Variants in GPR158 observed in about 807,000 individuals in gnomAD.
GPR158 encodes G protein-coupled receptor 158, also known as metabotropic glycine receptor.
A neutral mutation model predicts 78.2 loss-of-function variants in GPR158; 30 were observed. The ratio of observed to expected loss-of-function variants is 0.38; its 90% CI spans 0.29 to 0.52. GPR158 has a LOEUF of 0.52. Among genes scored for constraint, GPR158 ranks in the 20% least tolerant of loss-of-function variants. The probability of loss-of-function intolerance (pLI) is 0.83; values close to 1 mark genes in which losing one functional copy is unlikely to be tolerated. For synonymous variants in GPR158, 581 were observed against 591.1 expected (o/e 0.98, Z 0.25); for missense variants, 1,463 against 1,523.5 (o/e 0.96, Z 0.66).
chr10:25,424,646 T>C (rs1164977691), intron 4 of GPR158, among the ~76,000 whole-genome samples: 2 of 151,918 alleles, frequency 1.3e-5, no homozygotes, highest in Admixed American at 1.3e-4. Context: ...AGGGAATCCT[T>C]TCCCCATTTC....
intron 5 of GPR158, among the ~76,000 whole-genome samples, chr10:25,532,167 G>A (rs1836432192): frequency 6.6e-6 from 1 of 152,166 alleles, no homozygotes; most frequent in Non-Finnish European, 1.5e-5. Context: ...AGTTGAGAAG[G>A]AGGACTACTG....
chr10:25,525,771 A>G (rs1836338483), intron 5 of GPR158, among the ~76,000 whole-genome samples: 2 of 152,164 alleles, frequency 1.3e-5, no homozygotes, highest in African/African-American at 4.8e-5. Context: ...CTTCAAATGA[A>G]TGAATGATAT....
chr10:25,458,956 T>A (rs925566114), intron 4 of GPR158, among the ~76,000 whole-genome samples: 6 of 152,238 alleles, frequency 3.9e-5, no homozygotes, highest in African/African-American at 1.4e-4. Flanking sequence ...CAAATTTTAC[T>A]AAATTTGATT....
At chr10:25,300,010 G>A (rs559804985) in intron 2 of GPR158, among the ~76,000 whole-genome samples, 26 of 152,044 alleles carry the variant, frequency 1.7e-4, no homozygotes, top group African/African-American at 4.3e-4. Context: ...CACCCACCTC[G>A]GTCTACCAAA....
chr10:25,513,096 A>C (rs1836106295), intron 5 of GPR158, among the ~76,000 whole-genome samples: 1 of 151,920 alleles, frequency 6.6e-6, no homozygotes, highest in Admixed American at 6.6e-5. Flanking sequence ...GGATAGTGTC[A>C]ATAGGATCAA....
intron 2 of GPR158, among the ~76,000 whole-genome samples, chr10:25,291,286 C>G (rs1348197190): frequency 6.6e-6 from 1 of 151,826 alleles, no homozygotes; most frequent in Non-Finnish European, 1.5e-5. Context: ...ATGTCATTAG[C>G]TATTAGACAC....
intron 1 of GPR158, among the ~76,000 whole-genome samples, chr10:25,209,342 C>T (rs755866537): frequency 6.6e-6 from 1 of 152,208 alleles, no homozygotes; most frequent in African/African-American, 2.4e-5. Flanking sequence ...CTTGAATACC[C>T]TCATCATGGC....
chr10:25,331,105 A>G (rs1401674401), intron 2 of GPR158, among the ~76,000 whole-genome samples: 1 of 151,586 alleles, frequency 6.6e-6, no homozygotes, highest in Non-Finnish European at 1.5e-5. Context: ...CCTAGCTTTT[A>G]TATATATATA....
At chr10:25,596,503 CTATCT>C (rs1238659372) in intron 9 of GPR158, 135 bp from the exon 10 acceptor site, 5 of 585,758 alleles carry the variant, frequency 8.5e-6, no homozygotes, top group Non-Finnish European at 1.5e-5. Context: ...CTCTATCTAT[CTATCT>C]ATATATATAG....
At chr10:25,415,941 T>C (rs764376121) in intron 4 of GPR158, among the ~76,000 whole-genome samples, 1 of 152,152 alleles carries the variant, frequency 6.6e-6, no homozygotes, top group Non-Finnish European at 1.5e-5. Context: ...GTTGCACTAC[T>C]CTGACAATAT....
chr10:25,570,191 C>G lies in GPR158; in HGVS notation c.1515-2458C>G, dbSNP rs991976588. Among the ~76,000 whole-genome samples, 5 of 152,110 alleles carry G rather than the reference C, an allele frequency of 3.3e-5. No homozygotes were observed. The East Asian group carries it at 7.7e-4, about 23-fold the overall frequency. On this transcript the variant is annotated intron_variant, in intron 6 of 10. Coordinates refer to ENST00000376351, the MANE Select transcript of GPR158 (RefSeq NM_020752.3). The stretch of plus-strand genomic sequence containing the variant: ...ATTTTCCAAGAAATTTCTCTTATTT[C>G]TAAGGTAGAATTCTTGAATCTTTTA...
chr10:25,298,547 T>C (rs1395169873), intron 2 of GPR158, among the ~76,000 whole-genome samples: 1 of 152,194 alleles, frequency 6.6e-6, no homozygotes, highest in Non-Finnish European at 1.5e-5. Context: ...GTTTGTTCTC[T>C]TAAGCAGCTT....
intron 2 of GPR158, among the ~76,000 whole-genome samples, chr10:25,287,777 G>T (rs1444067858): frequency 6.6e-6 from 1 of 152,102 alleles, no homozygotes; most frequent in Non-Finnish European, 1.5e-5. Context: ...TTCAAGAAAA[G>T]TTAAAGGTTT....
At chr10:25,385,748 A>T (rs755695368) in intron 2 of GPR158, among the ~76,000 whole-genome samples, 3 of 152,022 alleles carry the variant, frequency 2.0e-5, no homozygotes, top group Non-Finnish European at 4.4e-5. Flanking sequence ...TCATTGGCTT[A>T]TTGGCCATTG....
chr10:25,291,844 T>C (rs943167873), intron 2 of GPR158, among the ~76,000 whole-genome samples: 3 of 147,788 alleles, frequency 2.0e-5, no homozygotes, highest in Admixed American at 1.4e-4. Flanking sequence ...GAAGATGATA[T>C]AGTTAATATT....
At chr10:25,439,967 G>T (rs376726821) in intron 4 of GPR158, among the ~76,000 whole-genome samples, 2 of 152,140 alleles carry the variant, frequency 1.3e-5, no homozygotes, top group Admixed American at 6.6e-5. Context: ...TTAGAAATGA[G>T]CTTTCATGAA....
intron 4 of GPR158, among the ~76,000 whole-genome samples, chr10:25,432,779 T>G (rs1834929744): frequency 6.6e-6 from 1 of 152,180 alleles, no homozygotes; most frequent in African/African-American, 2.4e-5. Flanking sequence ...TTCATTCTTT[T>G]GATTCATCAT....
At chr10:25,377,758 TTTTA>T (rs1834102012) in intron 2 of GPR158, among the ~76,000 whole-genome samples, 1 of 152,106 alleles carries the variant, frequency 6.6e-6, no homozygotes, top group Admixed American at 6.6e-5. Flanking sequence ...ATAAACAACA[TTTTA>T]TTTATCCATT....
intron 6 of GPR158, among the ~76,000 whole-genome samples, chr10:25,566,999 A>G (rs1437995235): frequency 1.3e-5 from 2 of 152,164 alleles, no homozygotes; most frequent in African/African-American, 2.4e-5. Flanking sequence ...TATCACAAAC[A>G]TTTATTCTCT....
Sources: gnomAD v4.1 joint callset for allele counts (sites outside exome capture counted in the v4.1 genomes callset) on GRCh38, gnomAD v4.1.1 for gene constraint, MANE v1.5 for transcripts, NCBI Gene and HGNC (gene_info 2026-07-23, HGNC 2026-07-21) for gene names.